The following SLC25A48 variants were observed in gnomAD, a reference collection of about 807,000 sequenced individuals.
SLC25A48 encodes solute carrier family 25 member 48, also known as CTC-321K16.1.
In SLC25A48, 29 loss-of-function variants were observed where a neutral mutation model predicts 32.2. That is an observed-to-expected ratio of 0.90 (90% CI 0.67 to 1.23). The LOEUF is 1.23. SLC25A48 is among the 50% of genes most tolerant of loss of function. The pLI, the probability that SLC25A48 is intolerant of heterozygous loss-of-function variation, is 0.00. For synonymous variants in SLC25A48, 164 were observed against 172.3 expected (o/e 0.95, Z 0.38); for missense variants, 399 against 422.7 (o/e 0.94, Z 0.49).
intron 3 of SLC25A48, among the ~76,000 whole-genome samples, chr5:135,762,828 G>A (rs1258852428): frequency 1.5e-5 from 2 of 135,600 alleles, no homozygotes; most frequent in African/African-American, 2.8e-5. Flanking sequence ...GAGTGTGGAT[G>A]TGTGAGTTTG....
intron 3 of SLC25A48, among the ~76,000 whole-genome samples, chr5:135,680,683 T>C (rs570938090): frequency 1.3e-5 from 2 of 152,284 alleles, no homozygotes; most frequent in East Asian, 1.9e-4. Context: ...ATGAGACTTA[T>C]TCACAATCAC....
Position 135,621,215 on chromosome 5 carries a change from C to A in SLC25A48, c.-848-8022C>A, listed in dbSNP as rs1752318295. ...TAATCTTGGTTAAATTGCTAAATAT[C>A]TCTGGGCCTCAACTTTCCCATCTAC... On this transcript the variant is annotated intron_variant, in intron 1 of 10. Coordinates refer to the SLC25A48 transcript ENST00000646290. Among the ~76,000 whole-genome samples, 3 of 152,306 alleles carry A rather than the reference C, an allele frequency of 2.0e-5. No homozygotes were observed. The South Asian group carries it at 6.2e-4, about 32-fold the overall frequency.
Position 135,733,487 on chromosome 5 carries a change from A to C in SLC25A48, c.-520-79036A>C, listed in dbSNP as rs150621022. Reference sequence around the variant, plus strand: ...TAGCTGAAGAAGCTGGGGAGTAGAAAGTATATGCATCAGGTGGGAGGAAGA... The same window carrying C: ...TAGCTGAAGAAGCTGGGGAGTAGAACGTATATGCATCAGGTGGGAGGAAGA... On this transcript the variant is annotated intron_variant, in intron 3 of 10. Transcript: ENST00000646290. 5.9e-3 allele frequency among the ~76,000 whole-genome samples: 901 copies of C among 152,324 alleles called. 14 individuals are homozygous for C. The highest frequency in any genetic ancestry group is 0.021 in the African/African-American group (857 of 41,574).
At chr5:135,663,731 T>C (rs1161063012) in intron 3 of SLC25A48, among the ~76,000 whole-genome samples, 1 of 152,182 alleles carries the variant, frequency 6.6e-6, no homozygotes, top group African/African-American at 2.4e-5. Context: ...GTGGCCACTT[T>C]TTACAGGACC....
chr5:135,777,709 C>A lies in SLC25A48; in HGVS notation c.-520-34814C>A, dbSNP rs80036530. 9.4e-3 allele frequency among the ~76,000 whole-genome samples: 1,414 copies of A among 150,650 alleles called. 15 individuals are homozygous for A. Among genetic ancestry groups the A allele is most frequent in the Non-Finnish European group, 0.014 (961 of 67,668 alleles). On this transcript the variant is annotated intron_variant, in intron 3 of 10. Transcript: ENST00000646290. Reference sequence around the variant, plus strand: ...ACCTGTGTAATATTGTTCCTAATATCCAGGTAAAATAGAATTATATTACTC... The same window carrying A: ...ACCTGTGTAATATTGTTCCTAATATACAGGTAAAATAGAATTATATTACTC...
chr5:135,851,167 C>T (rs1759824676), intron 3 of SLC25A48, among the ~76,000 whole-genome samples: 1 of 152,152 alleles, frequency 6.6e-6, no homozygotes, highest in Non-Finnish European at 1.5e-5. Flanking sequence ...AATGTGGTCC[C>T]ACTGTAGCCA....
At chr5:135,859,934 T>C (rs1278082469) in intron 4 of SLC25A48, among the ~76,000 whole-genome samples, 1 of 152,182 alleles carries the variant, frequency 6.6e-6, no homozygotes, top group Non-Finnish European at 1.5e-5. Context: ...TCCTAAATAA[T>C]GGCTGGCAAT....
intron 3 of SLC25A48, chr5:135,742,452 T>C (rs551709063): frequency 3.5e-5 from 54 of 1,536,186 alleles, no homozygotes; most frequent in Non-Finnish European, 4.3e-5. Flanking sequence ...TCCTGAGGTC[T>C]CACCTGTGTG....
chr5:135,670,566 C>T (rs1268473760), intron 3 of SLC25A48, among the ~76,000 whole-genome samples: 1 of 152,164 alleles, frequency 6.6e-6, no homozygotes, highest in East Asian at 1.9e-4. Context: ...CCCTCAGTTG[C>T]AGTATGAAGA....
At chr5:135,705,827 G>A (rs1009282197) in intron 3 of SLC25A48, among the ~76,000 whole-genome samples, 2 of 152,256 alleles carry the variant, frequency 1.3e-5, no homozygotes, top group South Asian at 2.1e-4. Context: ...CCAGGGTATC[G>A]GGGATGTCCT....
intron 1 of SLC25A48, among the ~76,000 whole-genome samples, chr5:135,598,512 A>AT (rs1312698884): frequency 6.6e-6 from 1 of 152,200 alleles, no homozygotes; most frequent in Non-Finnish European, 1.5e-5. Flanking sequence ...TTCATTTCTT[A>AT]TAAAGGGTTG....
Position 135,815,126 on chromosome 5 carries a change from G to A in SLC25A48, c.-117+2200G>A, listed in dbSNP as rs185141875. Among the ~76,000 whole-genome samples the A allele has an allele frequency of 2.0e-5, 3 of 152,304 alleles. No individual in the cohort carries two copies. In the East Asian group the frequency reaches 5.8e-4, roughly 29 times the overall value. ...GAACCCTGACTTTCACAGCATCTGT[G>A]AGGTGGATGTACTCTAAAGCAGCGG... On this transcript the variant is annotated intron_variant, in intron 4 of 10. Transcript: ENST00000646290.
At chr5:135,842,091 A>G (rs1275650621) in intron 1 of SLC25A48, among the ~76,000 whole-genome samples, 1 of 152,116 alleles carries the variant, frequency 6.6e-6, no homozygotes, top group Non-Finnish European at 1.5e-5. Context: ...TTGCTCTCCC[A>G]TTTAGGTCTT....
chr5:135,731,405 T>TAAG (rs1489649151), intron 3 of SLC25A48, among the ~76,000 whole-genome samples: 3 of 152,060 alleles, frequency 2.0e-5, no homozygotes, highest in Admixed American at 6.6e-5. Flanking sequence ...CTTATATTAA[T>TAAG]AAGAAAAATA....
At chr5:135,630,584 G>T (rs930131592) in intron 2 of SLC25A48, among the ~76,000 whole-genome samples, 1 of 127,422 alleles carries the variant, frequency 7.8e-6, no homozygotes, top group Non-Finnish European at 1.7e-5. Flanking sequence ...GTTAGGCTGG[G>T]CACCTTTTTT....
intron 3 of SLC25A48, among the ~76,000 whole-genome samples, chr5:135,677,979 C>G (rs1385602180): frequency 6.6e-6 from 1 of 152,134 alleles, no homozygotes; most frequent in Admixed American, 6.5e-5. Flanking sequence ...GACAATTTGA[C>G]TATAATGTGT....
In SLC25A48 at chr5:135,699,247, T is replaced by C. The variant is rs186919308; in HGVS notation, c.-521+64291T>C. Among the ~76,000 whole-genome samples, 3 of 152,334 alleles carry C rather than the reference T, an allele frequency of 2.0e-5. No individual in the cohort carries two copies. The East Asian group carries it at 5.8e-4, about 29-fold the overall frequency. ...ATGTTTATAGCAAACTTATTTATAA[T>C]AGCCGGAAGCTGGAAACAAACCAAG... On this transcript the variant is annotated intron_variant, in intron 3 of 10. Coordinates refer to the SLC25A48 transcript ENST00000646290.
At chr5:135,871,740 G>T (rs62364743) in intron 5 of SLC25A48, 22 bp downstream of exon 5, 1 of 1,611,962 alleles carries the variant, frequency 6.2e-7, no homozygotes, top group African/African-American at 1.3e-5. Context: ...AGCAGCTGGA[G>T]CCGCACCCCT....
intron 3 of SLC25A48, among the ~76,000 whole-genome samples, chr5:135,692,735 A>C (rs1007600987): frequency 6.6e-6 from 1 of 152,184 alleles, no homozygotes; most frequent in Non-Finnish European, 1.5e-5. Flanking sequence ...CTCCAAATTT[A>C]CATGCAATGC....
Sources: allele counts gnomAD v4.1 joint callset (sites outside exome capture counted in the v4.1 genomes callset), GRCh38; gene constraint gnomAD v4.1.1; transcripts MANE v1.5; gene names NCBI Gene and HGNC (gene_info 2026-07-23, HGNC 2026-07-21).